Variants in ATCAY observed in about 807,000 individuals in gnomAD.
ATCAY encodes ATCAY kinesin light chain interacting caytaxin.
ATCAY carries 22 observed loss-of-function variants against 47.7 expected under a neutral mutation model. The observed-to-expected ratio is 0.46, with a 90% CI of 0.33 to 0.66. The LOEUF (loss-of-function observed/expected upper bound fraction) is 0.66. Among genes scored for constraint, ATCAY ranks in the 30% least tolerant of loss-of-function variants. The pLI is 0.02. For synonymous variants in ATCAY, 216 were observed against 207.6 expected, an observed-to-expected ratio of 1.04 and a Z score of -0.35; for missense variants, 452 against 515.0, an observed-to-expected ratio of 0.88 and a Z score of 1.18.
chr19:3,906,880 G>C (rs921783254), intron 4 of ATCAY, among the ~76,000 whole-genome samples: 1 of 151,958 alleles, frequency 6.6e-6, no homozygotes, highest in Non-Finnish European at 1.5e-5. Context: ...ACTCACGCCT[G>C]TAATCCCAGC....
chr19:3,908,234 A>G (rs780575890), intron 5 of ATCAY, 34 bp from the exon 6 acceptor site: 3 of 1,524,922 alleles, frequency 2.0e-6, no homozygotes, highest in African/African-American at 1.4e-5. Context: ...CTGGGAGAGG[A>G]CTCTGACGTT....
At chr19:3,913,656 G>A (rs2145256310) in intron 8 of ATCAY, 102 bp from the exon 9 acceptor site, 1 of 806,654 alleles carries the variant, frequency 1.2e-6, no homozygotes, top group East Asian at 2.7e-5. Context: ...TCCTGGAGTG[G>A]GGTCCTGTGG....
intron 1 of ATCAY, among the ~76,000 whole-genome samples, chr19:3,881,612 G>A (rs1008338249): frequency 6.6e-6 from 1 of 151,688 alleles, no homozygotes; most frequent in African/African-American, 2.4e-5. Flanking sequence ...TCTGAGTGCA[G>A]GAGTGTCCGG....
intron 8 of ATCAY, 27 bp from the exon 9 acceptor site, chr19:3,913,731 A>T: frequency 1.3e-6 from 2 of 1,579,152 alleles, no homozygotes; most frequent in Non-Finnish European, 1.7e-6. Context: ...TGCATTTCAG[A>T]CCTCTCCCTC....
In ATCAY at chr19:3,909,530, T is replaced by A; in HGVS notation, c.692T>A (p.Met231Lys). The A allele has an allele frequency of 6.2e-7, 1 of 1,613,888 alleles. No individual in the cohort carries two copies. Residue 231 changes from methionine (M) to lysine (K), a missense_variant, in exon 7 of 13, where the codon ATG becomes AAG. Physicochemically the swap from Met to Lys is moderately conservative, Grantham distance 95. Transcript: ENST00000450849. ...SLELLVAEDY[M>K]IVYLNGATPR... Reference sequence around the variant, plus strand: ...GAGCTCCTGGTGGCTGAGGACTACATGATCGTGTACCTGAACGGTGCCACG... The same window carrying A: ...GAGCTCCTGGTGGCTGAGGACTACAAGATCGTGTACCTGAACGGTGCCACG...
intron 2 of ATCAY, among the ~76,000 whole-genome samples, chr19:3,898,258 C>T (rs941552238): frequency 6.6e-6 from 1 of 152,092 alleles, no homozygotes; most frequent in Non-Finnish European, 1.5e-5. Flanking sequence ...AATCATAGCT[C>T]ACTGCAGCCT....
rs146391882 is a variant in ATCAY, at chr19:3,905,066, C to T, written c.137-368C>T. On this transcript the variant is annotated intron_variant, in intron 3 of 12. Coordinates refer to ENST00000450849, the MANE Select transcript of ATCAY (RefSeq NM_033064.5). The stretch of plus-strand genomic sequence containing the variant: ...TAGAGATGGGGTTTCGCCATGTTGG[C>T]CAGGCTGGTCTCGAACTCCTGACCT... 1.7e-3 allele frequency among the ~76,000 whole-genome samples: 266 copies of T among 152,196 alleles called. 8 individuals carry two copies. The East Asian group carries it at 0.048, about 28-fold the overall frequency.
At chr19:3,897,679 A>C (rs1180461260) in intron 2 of ATCAY, among the ~76,000 whole-genome samples, 1 of 151,936 alleles carries the variant, frequency 6.6e-6, no homozygotes, top group African/African-American at 2.4e-5. Context: ...AGGCCGAGGC[A>C]GGTGGATCTC....
intron 2 of ATCAY, among the ~76,000 whole-genome samples, chr19:3,897,640 G>C (rs1200208771): frequency 6.6e-6 from 1 of 151,982 alleles, no homozygotes; most frequent in Admixed American, 6.6e-5. Flanking sequence ...AAGTACAGTG[G>C]CTCACGCATG....
intron 2 of ATCAY, among the ~76,000 whole-genome samples, chr19:3,896,562 C>T (rs1221457678): frequency 6.6e-6 from 1 of 151,812 alleles, no homozygotes; most frequent in African/African-American, 2.4e-5. Context: ...CCCCTGCGCC[C>T]GGCCTGAGAT....
At chr19:3,912,747 C>G (rs1002377390) in intron 8 of ATCAY, among the ~76,000 whole-genome samples, 1 of 151,864 alleles carries the variant, frequency 6.6e-6, no homozygotes, top group Non-Finnish European at 1.5e-5. Flanking sequence ...TTAGCCAGGC[C>G]TGGTGGCGCG....
intron 1 of ATCAY, among the ~76,000 whole-genome samples, chr19:3,885,375 G>A (rs937173689): frequency 6.6e-6 from 1 of 151,792 alleles, no homozygotes; most frequent in Non-Finnish European, 1.5e-5. Context: ...CCAACATGGC[G>A]AAACCCTGTC....
rs1489330244 is a variant in ATCAY, at chr19:3,925,754, T to C, written c.*1162T>C. 6.6e-6 allele frequency: 1 copy of C among 152,322 alleles called. No individual in the cohort carries two copies. Among genetic ancestry groups the C allele is most frequent in the Admixed American group, 6.5e-5 (1 of 15,282 alleles). 9.4% of individuals were successfully genotyped at this position (152,322 alleles called of 1,614,324 possible). A position where few individuals can be genotyped will look rare whatever the true frequency, so the allele number is the denominator to read the frequency against. On this transcript the variant is annotated 3_prime_UTR_variant, in exon 13 of 13. Coordinates refer to ENST00000450849, the MANE Select transcript of ATCAY (RefSeq NM_033064.5). The surrounding 1 kb of genome is among the most constrained non-coding windows in gnomAD (Gnocchi z 4.4). ...CAGGCACGATGGCTCACGCCTGTAA[T>C]CCCAGACTTTGGGAGGCCGAGGCAG...
At chr19:3,905,208 C>G (rs760839384) in intron 3 of ATCAY, among the ~76,000 whole-genome samples, 1 of 152,122 alleles carries the variant, frequency 6.6e-6, no homozygotes, top group African/African-American at 2.4e-5. Context: ...CATCCATCCC[C>G]TTAATCTCTG....
chr19:3,913,892 C>T (rs771511114), intron 9 of ATCAY, 36 bp downstream of exon 9: 7 of 1,565,706 alleles, frequency 4.5e-6, no homozygotes, highest in African/African-American at 2.7e-5. Flanking sequence ...CCGTATTAGT[C>T]TGTTTTCGTG....
At chr19:3,910,988 CGT>C (rs1204839955) in intron 8 of ATCAY, 99 bp downstream of exon 8, 137 of 1,315,338 alleles carry the variant, frequency 1.0e-4, no homozygotes, top group Non-Finnish European at 1.4e-4. Flanking sequence ...CACGTGTGTG[CGT>C]GTGTGCATCT....
At chr19:3,887,177 C>T (rs1201687100) in intron 2 of ATCAY, among the ~76,000 whole-genome samples, 1 of 151,580 alleles carries the variant, frequency 6.6e-6, no homozygotes. Flanking sequence ...ATCACAGGGG[C>T]TGGGCACGGT....
At chr19:3,887,622 G>C (rs912259740) in intron 2 of ATCAY, among the ~76,000 whole-genome samples, 1 of 150,880 alleles carries the variant, frequency 6.6e-6, no homozygotes, top group Non-Finnish European at 1.5e-5. Context: ...GAGTAGCTGG[G>C]ACTACGGGCA....
At chr19:3,888,981 G>A (rs534333440) in intron 2 of ATCAY, among the ~76,000 whole-genome samples, 2 of 152,238 alleles carry the variant, frequency 1.3e-5, no homozygotes, top group African/African-American at 4.8e-5. Context: ...GAGAATCAGA[G>A]AATCACGGCT....
Sources: allele counts gnomAD v4.1 joint callset (sites outside exome capture counted in the v4.1 genomes callset), GRCh38; gene constraint gnomAD v4.1.1; non-coding constraint Gnocchi (gnomAD v3.1); transcripts MANE v1.5; gene names NCBI Gene and HGNC (gene_info 2026-07-23, HGNC 2026-07-21).